NUP188: variants seen among roughly 807,000 people sequenced by gnomAD.
NUP188 encodes the protein nucleoporin NUP188.
Under a neutral mutation model 223.0 loss-of-function variants are expected in NUP188, and 97 were observed. That is an observed-to-expected ratio of 0.43 (90% CI 0.37 to 0.51). NUP188 has a LOEUF of 0.51. Ranked by LOEUF, NUP188 falls within the 20% of genes least tolerant of loss-of-function variation. The probability of loss-of-function intolerance (pLI) is 0.00; values close to 1 mark genes in which losing one functional copy is unlikely to be tolerated. For synonymous variants in NUP188, 869 were observed against 828.0 expected (o/e 1.05, Z -0.85); for missense variants, 1,947 against 2,175.6 (o/e 0.89, Z 2.09).
At chr9:128,959,748 C>T (rs138083508) in intron 8 of NUP188, among the ~76,000 whole-genome samples, 1 of 151,778 alleles carries the variant, frequency 6.6e-6, no homozygotes, top group East Asian at 2.0e-4. Flanking sequence ...CCATGTTGGC[C>T]AGGCTGGTCT....
intron 20 of NUP188, 50 bp downstream of exon 20, chr9:128,985,064 T>C: frequency 7.7e-7 from 1 of 1,301,074 alleles, no homozygotes; most frequent in East Asian, 2.3e-5. Flanking sequence ...AGGTCCAGTC[T>C]TGTCAGATGA....
intron 12 of NUP188, among the ~76,000 whole-genome samples, chr9:128,975,368 C>T (rs1451523317): frequency 6.7e-6 from 1 of 149,936 alleles, no homozygotes; most frequent in East Asian, 2.0e-4. Context: ...GGACAACAGG[C>T]GCCTGCCACC....
intron 24 of NUP188, among the ~76,000 whole-genome samples, chr9:128,989,892 A>G (rs1189020636): frequency 1.3e-5 from 2 of 152,198 alleles, no homozygotes; most frequent in Non-Finnish European, 2.9e-5. Context: ...TTCAAAATGT[A>G]TCTTTGCTGT....
Position 129,006,373 on chromosome 9 carries a change from G to T in NUP188, c.5073+5G>T. 1 of 1,614,202 alleles carries T rather than the reference G, an allele frequency of 6.2e-7. No homozygotes were observed. Among genetic ancestry groups the T allele is most frequent in the African/African-American group, 1.3e-5 (1 of 75,060 alleles). On this transcript the variant is annotated splice_donor_5th_base_variant and intron_variant, in intron 43 of 43. Transcript: ENST00000372577. The stretch of plus-strand genomic sequence containing the variant: ...CAGGAGCTCAGCTCTGAGTTGGTAC[G>T]GATGGATAGGGATACGGAGGGCTGG...
At chr9:128,960,059 C>CTTTTTTTTTTTTTTTT (rs956759518) in intron 8 of NUP188, among the ~76,000 whole-genome samples, 4 of 103,790 alleles carry the variant, frequency 3.9e-5, no homozygotes, top group Non-Finnish European at 5.8e-5. Flanking sequence ...TTATTTTATT[C>CTTTTTTTTTTTTTTTT]TTTTTTTTTT....
In NUP188 at chr9:128,982,822, G is replaced by A. The variant is rs903505167; in HGVS notation, c.1670-80G>A. ...ATCAAGATTGTGATTTGTCTGATTT[G>A]TGTATCTGGGTCTCAGAGACTGTTC... On this transcript the variant is annotated intron_variant, in intron 16 of 43. Transcript: ENST00000372577. 8.2e-6 allele frequency: 13 copies of A among 1,593,192 alleles called. No homozygotes were observed. In the Admixed American group the frequency reaches 1.7e-4, roughly 21 times the overall value.
At chr9:128,990,314 G>A (rs1193516424) in intron 25 of NUP188, 88 bp downstream of exon 25, 1 of 994,196 alleles carries the variant, frequency 1.0e-6, no homozygotes, top group African/African-American at 1.6e-5. Context: ...GCCACGTGCA[G>A]CGGCTTAACG....
At chr9:128,972,174 G>A (rs1225452383) in intron 11 of NUP188, among the ~76,000 whole-genome samples, 4 of 152,120 alleles carry the variant, frequency 2.6e-5, no homozygotes, top group Non-Finnish European at 4.4e-5. Context: ...AGCTTTATTC[G>A]TAATTACTAA....
In NUP188 at chr9:128,987,725, T is replaced by A. The variant is rs769714144; in HGVS notation, c.2393+8T>A. The A allele has an allele frequency of 6.2e-7, 1 of 1,611,674 alleles. No homozygotes were observed. Among genetic ancestry groups the A allele is most frequent in the Non-Finnish European group, 8.5e-7 (1 of 1,179,276 alleles). On this transcript the variant is annotated splice_region_variant and intron_variant, in intron 23 of 43. Transcript: ENST00000372577. ...GGCTGCTCAGCCTCGAAGGTAGGGC[T>A]CCTTCTCCACGTTCCCTTTGTCTGT... is the stretch of plus-strand genomic sequence containing the variant.
At chr9:128,957,885 A>G in intron 5 of NUP188, 125 bp from the exon 6 acceptor site, 1 of 713,406 alleles carries the variant, frequency 1.4e-6, no homozygotes, top group Non-Finnish European at 2.3e-6. Context: ...AGTAAGGTGG[A>G]AAGTATATGT....
At chr9:128,965,051 T>G (rs1425961429) in intron 8 of NUP188, among the ~76,000 whole-genome samples, 2 of 152,224 alleles carry the variant, frequency 1.3e-5, no homozygotes, top group Admixed American at 6.5e-5. Context: ...TTGTCTATTA[T>G]GGCTCCTGCC....
At chr9:128,964,958 G>A (rs953841658) in intron 8 of NUP188, among the ~76,000 whole-genome samples, 5 of 151,800 alleles carry the variant, frequency 3.3e-5, no homozygotes, top group South Asian at 4.2e-4. Context: ...CACCCGTCTC[G>A]GCCTCCCAGA....
intron 19 of NUP188, 63 bp from the exon 20 acceptor site, chr9:128,984,836 TG>T: frequency 9.3e-7 from 1 of 1,069,752 alleles, no homozygotes; most frequent in Non-Finnish European, 1.4e-6. Flanking sequence ...GAATGCTCTA[TG>T]ATTAGTTTCT....
intron 37 of NUP188, 47 bp from the exon 38 acceptor site, chr9:129,003,270 G>C: frequency 6.3e-7 from 1 of 1,575,838 alleles, no homozygotes; most frequent in Non-Finnish European, 8.6e-7. Flanking sequence ...GGTATGTCAG[G>C]TCCCTCAGCC....
intron 12 of NUP188, among the ~76,000 whole-genome samples, chr9:128,978,556 CAA>C (rs57813508): frequency 3.4e-4 from 23 of 67,632 alleles, no homozygotes; most frequent in Middle Eastern, 7.9e-3. Context: ...GAGTGAGACT[CAA>C]AAAAAAAAAA....
intron 34 of NUP188, among the ~76,000 whole-genome samples, chr9:129,000,087 G>A (rs1392435465): frequency 6.6e-6 from 1 of 152,186 alleles, no homozygotes; most frequent in African/African-American, 2.4e-5. Flanking sequence ...GCAAATGCAG[G>A]ATCCGAAGTG....
chr9:128,958,808 G>A lies in NUP188; in HGVS notation c.379G>A (p.Asp127Asn), dbSNP rs1288847480. Residue 127 changes from aspartate to asparagine, a missense_variant, in exon 7 of 44, where the codon GAT becomes AAT. By Grantham distance (23) the Asp-to-Asn change is conservative (BLOSUM62 1). Coordinates refer to ENST00000372577, the MANE Select transcript of NUP188 (RefSeq NM_015354.3). ...QSQALILKIA[D>N]YYYEERTCIL... ...TGAATTTTGGGTTCCTCAGATTGCA[G>A]ATTATTATTATGAAGAAAGAACCTG... The A allele has an allele frequency of 6.4e-7, 1 of 1,572,982 alleles. No individual in the cohort carries two copies.
intron 8 of NUP188, among the ~76,000 whole-genome samples, chr9:128,961,789 T>TG (rs1397478781): frequency 6.6e-6 from 1 of 151,232 alleles, no homozygotes; most frequent in African/African-American, 2.4e-5. Flanking sequence ...GCCCGGCTAA[T>TG]TTTGTATTTT....
chr9:128,951,867 A>G (rs943056462), intron 2 of NUP188, among the ~76,000 whole-genome samples: 5 of 149,286 alleles, frequency 3.3e-5, no homozygotes, highest in Non-Finnish European at 7.4e-5. Context: ...ATCTCGGCTC[A>G]CCACAACCTC....
Sources: allele counts gnomAD v4.1 joint callset (sites outside exome capture counted in the v4.1 genomes callset), GRCh38; gene constraint gnomAD v4.1.1; transcripts MANE v1.5; gene names NCBI Gene and HGNC (gene_info 2026-07-23, HGNC 2026-07-21).